TFEC: variants seen among roughly 807,000 people sequenced by gnomAD.
TFEC encodes transcription factor EC, also known as class E basic helix-loop-helix protein 34.
TFEC carries 31 observed loss-of-function variants against 41.6 expected under a neutral mutation model. The ratio of observed to expected loss-of-function variants is 0.74; its 90% CI spans 0.56 to 1.01. The LOEUF (loss-of-function observed/expected upper bound fraction) is 1.01, where lower values mean the gene tolerates loss of function less well. TFEC is among the 50% of genes least tolerant of loss of function. The pLI, the probability that TFEC is intolerant of heterozygous loss-of-function variation, is 0.00. For synonymous variants in TFEC, 143 were observed against 140.6 expected (o/e 1.02, Z -0.12); for missense variants, 402 against 404.1 (o/e 0.99, Z 0.04).
At position 115,939,141 on chromosome 7, in the gene TFEC, T is replaced by C. The variant is rs1793366384; in HGVS notation, c.*1410A>G. 2 of 152,042 alleles carry C rather than the reference T, an allele frequency of 1.3e-5. No homozygotes were observed. The highest frequency in any genetic ancestry group is 2.9e-5 in the Non-Finnish European group (2 of 67,970). The allele number at this position is 152,042 out of a possible 1,614,324, so 9.4% of individuals were successfully genotyped here. A position where few individuals can be genotyped will look rare whatever the true frequency, so the allele number is the denominator to read the frequency against. ...GATTTTTTATTCTATATGTCTTCTA[T>C]CTTTTGTTTTTGTTTTTCATGCATT... On this transcript the variant is annotated 3_prime_UTR_variant, in exon 8 of 8. Coordinates refer to ENST00000265440, the MANE Select transcript of TFEC (RefSeq NM_012252.4).
intron 1 of TFEC, among the ~76,000 whole-genome samples, chr7:115,999,218 A>G (rs547991606): frequency 1.3e-5 from 2 of 152,156 alleles, no homozygotes; most frequent in South Asian, 4.1e-4. Context: ...ACATGGAAAT[A>G]TAAAAATATG....
intron 1 of TFEC, among the ~76,000 whole-genome samples, chr7:116,018,565 AT>A (rs1241563360): frequency 6.6e-6 from 1 of 152,214 alleles, no homozygotes; most frequent in Non-Finnish European, 1.5e-5. Context: ...CTTTGGGAAG[AT>A]CATTCTACTT....
intron 3 of TFEC, among the ~76,000 whole-genome samples, chr7:116,061,767 A>G (rs1796562304): frequency 6.6e-6 from 1 of 152,190 alleles, no homozygotes; most frequent in Non-Finnish European, 1.5e-5. Context: ...AAACAGCCCA[A>G]TAAGAAAGAG....
intron 1 of TFEC, among the ~76,000 whole-genome samples, chr7:115,987,181 A>G (rs370780135): frequency 6.6e-6 from 1 of 152,184 alleles, no homozygotes; most frequent in East Asian, 1.9e-4. Flanking sequence ...CTGTGTTGGA[A>G]GCTATCTGTA....
intron 3 of TFEC, among the ~76,000 whole-genome samples, chr7:116,051,313 A>G (rs889980809): frequency 2.6e-5 from 4 of 152,244 alleles, no homozygotes; most frequent in Non-Finnish European, 5.9e-5. Context: ...TAAATAAATG[A>G]ATGAATAACC....
intron 3 of TFEC, among the ~76,000 whole-genome samples, chr7:116,077,163 A>C (rs1796978506): frequency 6.6e-6 from 1 of 152,200 alleles, no homozygotes; most frequent in African/African-American, 2.4e-5. Context: ...AGAATTTTTT[A>C]TCCAGTGAAA....
At chr7:116,078,077 T>A (rs1797001991) in intron 3 of TFEC, among the ~76,000 whole-genome samples, 1 of 151,950 alleles carries the variant, frequency 6.6e-6, no homozygotes, top group African/African-American at 2.4e-5. Flanking sequence ...TATCAAATAC[T>A]CTCTCAGGCT....
intron 5 of TFEC, among the ~76,000 whole-genome samples, chr7:115,952,707 A>C (rs546153176): frequency 4.7e-4 from 71 of 152,224 alleles, no homozygotes; most frequent in African/African-American, 1.6e-3. Context: ...TAAAGGAGTC[A>C]AGTTTTAAGA....
chr7:116,079,919 G>A (rs1339153003), intron 3 of TFEC, among the ~76,000 whole-genome samples: 8 of 151,938 alleles, frequency 5.3e-5, no homozygotes, highest in South Asian at 2.1e-4. Flanking sequence ...CACATTACCC[G>A]ACTTCAAAAG....
At chr7:116,066,107 C>T (rs1410540892) in intron 3 of TFEC, among the ~76,000 whole-genome samples, 1 of 152,180 alleles carries the variant, frequency 6.6e-6, no homozygotes, top group Non-Finnish European at 1.5e-5. Context: ...TGATGCCCTG[C>T]TTATAGCCTA....
chr7:116,000,392 C>A (rs191818537), intron 1 of TFEC, among the ~76,000 whole-genome samples: 32 of 152,184 alleles, frequency 2.1e-4, no homozygotes, highest in Middle Eastern at 3.4e-3. Flanking sequence ...CCTCTAAGAT[C>A]TGGAACACAA....
chr7:116,130,652 G>T (rs1265423014), intron 1 of TFEC, among the ~76,000 whole-genome samples: 3 of 151,892 alleles, frequency 2.0e-5, no homozygotes. Flanking sequence ...TCCCTTTGTT[G>T]TCCAGATTGG....
chr7:116,137,213 T>C (rs1048972278), intron 1 of TFEC, among the ~76,000 whole-genome samples: 4 of 152,124 alleles, frequency 2.6e-5, no homozygotes, highest in African/African-American at 9.6e-5. Context: ...AGACTCATCA[T>C]GTTGTTTTTG....
chr7:116,031,500 C>G (rs929698083), upstream of TFEC, among the ~76,000 whole-genome samples: 3 of 152,104 alleles, frequency 2.0e-5, no homozygotes, highest in Non-Finnish European at 4.4e-5. Context: ...AAAGGTACAA[C>G]TTTGTTCCCA....
In TFEC at chr7:115,935,974, T is replaced by C. The variant is rs1198285403; in HGVS notation, c.*4577A>G. On this transcript the variant is annotated 3_prime_UTR_variant, in exon 8 of 8. Coordinates refer to ENST00000265440, the MANE Select transcript of TFEC (RefSeq NM_012252.4). ...CTTCATCATTAAGTTGGTTGAATCC[T>C]GGGAGATATATTTTTTAATCAAAAT... The C allele has an allele frequency of 6.6e-6, 1 of 151,612 alleles. No homozygotes were observed. Among genetic ancestry groups the C allele is most frequent in the African/African-American group, 2.4e-5 (1 of 41,402 alleles). 9.4% of individuals were successfully genotyped at this position (151,612 alleles called of 1,614,324 possible). A position where few individuals can be genotyped will look rare whatever the true frequency, so the allele number is the denominator to read the frequency against.
upstream of TFEC, among the ~76,000 whole-genome samples, chr7:116,034,475 CCT>C (rs1198369242): frequency 3.3e-5 from 5 of 151,912 alleles, no homozygotes; most frequent in South Asian, 6.2e-4. Flanking sequence ...CCAGCTCACT[CCT>C]CTCTTTCTCT....
At chr7:116,008,724 A>C (rs1310322559) in intron 1 of TFEC, among the ~76,000 whole-genome samples, 4 of 152,156 alleles carry the variant, frequency 2.6e-5, no homozygotes, top group Non-Finnish European at 5.9e-5. Context: ...CATAAATCTC[A>C]TCTTGACTAA....
At chr7:116,084,820 A>C (rs1369403738) in intron 3 of TFEC, among the ~76,000 whole-genome samples, 1 of 151,842 alleles carries the variant, frequency 6.6e-6, no homozygotes, top group Non-Finnish European at 1.5e-5. Context: ...CATCTTTTTC[A>C]GAGGTAGGCA....
chr7:116,057,092 C>T (rs1796449354), intron 3 of TFEC, among the ~76,000 whole-genome samples: 1 of 151,832 alleles, frequency 6.6e-6, no homozygotes, highest in Non-Finnish European at 1.5e-5. Context: ...ACAGACAAAA[C>T]AAAGAAACAA....
Sources: gnomAD v4.1 joint callset for allele counts (sites outside exome capture counted in the v4.1 genomes callset) on GRCh38, gnomAD v4.1.1 for gene constraint, MANE v1.5 for transcripts, NCBI Gene and HGNC (gene_info 2026-07-23, HGNC 2026-07-21) for gene names.